Variants in SV2B observed in about 807,000 individuals in gnomAD.
The protein encoded by SV2B is synaptic vesicle glycoprotein 2B.
Under a neutral mutation model 73.9 loss-of-function variants are expected in SV2B, and 41 were observed. The observed-to-expected ratio is 0.56, with a 90% CI of 0.43 to 0.72. The LOEUF is 0.72. SV2B is among the 30% of genes least tolerant of loss of function. The pLI is 0.00. For synonymous variants in SV2B, 314 were observed against 314.2 expected (o/e 1.00, Z 0.01); for missense variants, 764 against 857.8 (o/e 0.89, Z 1.37).
At chr15:91,152,991 A>G (rs2043360911) in intron 1 of SV2B, among the ~76,000 whole-genome samples, 1 of 152,132 alleles carries the variant, frequency 6.6e-6, no homozygotes, top group Non-Finnish European at 1.5e-5. Flanking sequence ...TGGAGGGGGA[A>G]TCTCTGCCTC....
intron 1 of SV2B, among the ~76,000 whole-genome samples, chr15:91,134,325 A>C (rs2042751713): frequency 6.6e-6 from 1 of 151,562 alleles, no homozygotes; most frequent in Non-Finnish European, 1.5e-5. Flanking sequence ...TCATCACTCA[A>C]CTTCTTCTTT....
rs1026111147 is a variant in SV2B at position 91,293,224 on chromosome 15, G to A, written c.*672G>A. ...TCTGTTTTGCTCTATTCAAAGAAAC[G>A]GAATGGGATAGTTATTCTGTAAACT... On this transcript the variant is annotated 3_prime_UTR_variant, in exon 13 of 13. Coordinates refer to ENST00000394232, the MANE Select transcript of SV2B (RefSeq NM_001323032.3). The A allele has an allele frequency of 2.6e-5, 4 of 152,102 alleles. No homozygotes were observed. The South Asian group carries it at 6.2e-4, about 24-fold the overall frequency. The allele number at this position is 152,102 out of a possible 1,614,324, so 9.4% of individuals were successfully genotyped here. A position where few individuals can be genotyped will look rare whatever the true frequency, so the allele number is the denominator to read the frequency against.
chr15:91,163,352 A>G (rs1195675652), intron 1 of SV2B, among the ~76,000 whole-genome samples: 2 of 152,212 alleles, frequency 1.3e-5, no homozygotes, highest in East Asian at 3.8e-4. Context: ...GATTTCCACA[A>G]TGGTTGAACT....
chr15:91,258,347 G>A lies in SV2B; in HGVS notation c.785-74G>A. ...CTTGTGCCCTGAAGTTTGTGAGCCA[G>A]GGCTTCAGAGTCACTCTTCCGTAGA... On this transcript the variant is annotated intron_variant, in intron 4 of 12. Coordinates refer to ENST00000394232, the MANE Select transcript of SV2B (RefSeq NM_001323032.3). This position sits in a 1 kb window ranked among gnomAD's most constrained non-coding sequence, Gnocchi z 4.7. 4 of 1,573,280 alleles carry A rather than the reference G, an allele frequency of 2.5e-6. No homozygotes were observed. Among genetic ancestry groups the A allele is most frequent in the Non-Finnish European group, 3.4e-6 (4 of 1,159,492 alleles).
intron 1 of SV2B, among the ~76,000 whole-genome samples, chr15:91,218,884 G>C (rs1375621289): frequency 6.6e-6 from 1 of 152,136 alleles, no homozygotes; most frequent in Non-Finnish European, 1.5e-5. Context: ...TCTTGGCTAA[G>C]GGGACCATCT....
Position 91,268,852 on chromosome 15 carries a change from AT to A in SV2B, c.1373+250del, listed in dbSNP as rs1367533932. Among the ~76,000 whole-genome samples the A allele has an allele frequency of 6.6e-6, 1 of 152,126 alleles. No individual in the cohort carries two copies. The highest frequency in any genetic ancestry group is 1.5e-5 in the Non-Finnish European group (1 of 68,028). Reference sequence around the variant, plus strand: ...AGCTATTTCATGTGAGGATGGAGACATTTGACTGAGGACGGTCAGTTGGGCC... The same window carrying A: ...AGCTATTTCATGTGAGGATGGAGACATTGACTGAGGACGGTCAGTTGGGCC... On this transcript the variant is annotated intron_variant, in intron 9 of 12. Transcript: ENST00000394232. This position sits in a 1 kb window ranked among gnomAD's most constrained non-coding sequence, Gnocchi z 4.4.
Position 91,294,424 on chromosome 15 carries a change from G to C in SV2B, c.*1872G>C, listed in dbSNP as rs1249204192. 2 of 151,980 alleles carry C rather than the reference G, an allele frequency of 1.3e-5. No individual in the cohort carries two copies. Among genetic ancestry groups the C allele is most frequent in the African/African-American group, 4.8e-5 (2 of 41,360 alleles). The allele number at this position is 151,980 out of a possible 1,614,324, so 9.4% of individuals were successfully genotyped here. ...TCTGTACAGGGAGAGAAGACATATTGACTCTGACTGGACACCCTGATTCCT... is the reference window on the plus strand; with the variant it reads ...TCTGTACAGGGAGAGAAGACATATTCACTCTGACTGGACACCCTGATTCCT... On this transcript the variant is annotated 3_prime_UTR_variant, in exon 13 of 13. Transcript: ENST00000394232. The surrounding 1 kb of genome is among the most constrained non-coding windows in gnomAD (Gnocchi z 4.1).
intron 1 of SV2B, among the ~76,000 whole-genome samples, chr15:91,125,947 T>G (rs566237923): frequency 1.3e-5 from 2 of 152,142 alleles, no homozygotes; most frequent in South Asian, 4.2e-4. Context: ...ATGATGATGA[T>G]GATGATAGTT....
At chr15:91,125,872 C>G (rs1207218210) in intron 1 of SV2B, among the ~76,000 whole-genome samples, 1 of 150,498 alleles carries the variant, frequency 6.6e-6, no homozygotes, top group East Asian at 1.9e-4. Flanking sequence ...AGAAAAGGGT[C>G]CCCAACCCTA....
chr15:91,128,503 A>T lies in SV2B; in HGVS notation c.-392+28140A>T, dbSNP rs989514856. Among the ~76,000 whole-genome samples the T allele has an allele frequency of 3.9e-5, 6 of 152,206 alleles. No individual in the cohort carries two copies. The highest frequency in any genetic ancestry group is 1.2e-4 in the African/African-American group (5 of 41,430). On this transcript the variant is annotated intron_variant, in intron 1 of 12. Coordinates refer to ENST00000394232, the MANE Select transcript of SV2B (RefSeq NM_001323032.3). This position sits in a 1 kb window ranked among gnomAD's most constrained non-coding sequence, Gnocchi z 4.2. ...CCAAAAATGAAGGCCTCAGAAGCGA[A>T]AGTGTTTTTCTCCTCCCCGTCTGTC...
intron 4 of SV2B, among the ~76,000 whole-genome samples, chr15:91,255,575 T>C (rs936036015): frequency 2.0e-5 from 3 of 152,106 alleles, no homozygotes; most frequent in Non-Finnish European, 4.4e-5. Context: ...CTAGAGAACT[T>C]ACTCATGTAA....
At position 91,121,778 on chromosome 15, in the gene SV2B, T is replaced by G. The variant is rs899761321; in HGVS notation, c.-392+21415T>G. On this transcript the variant is annotated intron_variant, in intron 1 of 12. Transcript: ENST00000394232. The surrounding 1 kb of genome is among the most constrained non-coding windows in gnomAD (Gnocchi z 4.4). Reference sequence around the variant, plus strand: ...ACCATCTATTTATATATTAATAGTGTTTTTTTTTTTTTTTGAGATGGAGTC... The same window carrying G: ...ACCATCTATTTATATATTAATAGTGGTTTTTTTTTTTTTTGAGATGGAGTC... Among the ~76,000 whole-genome samples, 1 of 96,502 alleles carries G rather than the reference T, an allele frequency of 1.0e-5. No homozygotes were observed. 63.3% of individuals were successfully genotyped at this position (96,502 alleles called of 152,430 possible). A position where few individuals can be genotyped will look rare whatever the true frequency, so the allele number is the denominator to read the frequency against.
At chr15:91,206,742 C>T (rs1204118882) in intron 1 of SV2B, among the ~76,000 whole-genome samples, 2 of 152,070 alleles carry the variant, frequency 1.3e-5, no homozygotes, top group Non-Finnish European at 2.9e-5. Flanking sequence ...AATGTTCGAC[C>T]TAGTACCTGT....
Position 91,220,100 on chromosome 15 carries a change from A to G in SV2B, c.-391-5773A>G, listed in dbSNP as rs2141461137. On this transcript the variant is annotated intron_variant, in intron 1 of 12. Coordinates refer to ENST00000394232, the MANE Select transcript of SV2B (RefSeq NM_001323032.3). The surrounding 1 kb of genome is among the most constrained non-coding windows in gnomAD (Gnocchi z 4.1). ...TGTGTCCAAGTCTTTGTGTGGGCAT[A>G]TATTTTTATTTATCTTGGGTAGATT... Among the ~76,000 whole-genome samples, 1 of 152,304 alleles carries G rather than the reference A, an allele frequency of 6.6e-6. No homozygotes were observed. Among genetic ancestry groups the G allele is most frequent in the South Asian group, 2.1e-4 (1 of 4,834 alleles).
At position 91,191,579 on chromosome 15, in the gene SV2B, G is replaced by A. The variant is rs147488792; in HGVS notation, c.-391-34294G>A. ...GCTTCTTGGCTGTAAATCCCAAGGT[G>A]TCTCGCTGCTTTTGGAGTTGAACTC... On this transcript the variant is annotated intron_variant, in intron 1 of 12. Transcript: ENST00000394232. 1.5e-4 allele frequency among the ~76,000 whole-genome samples: 23 copies of A among 152,250 alleles called. No individual in the cohort carries two copies. In the East Asian group the frequency reaches 4.1e-3, roughly 27 times the overall value.
In SV2B at chr15:91,114,016, A is replaced by G. The variant is rs150781516; in HGVS notation, c.-392+13653A>G. Among the ~76,000 whole-genome samples the G allele has an allele frequency of 3.9e-5, 6 of 152,178 alleles. No homozygotes were observed. In the East Asian group the frequency reaches 1.2e-3, roughly 29 times the overall value. The stretch of plus-strand genomic sequence containing the variant: ...TCTAACACAGTCCCTGGCACATAGT[A>G]GGTGCTCAATGGTTAGTTATTTTCC... On this transcript the variant is annotated intron_variant, in intron 1 of 12. Coordinates refer to ENST00000394232, the MANE Select transcript of SV2B (RefSeq NM_001323032.3).
chr15:91,171,498 T>G (rs746001122), intron 1 of SV2B, among the ~76,000 whole-genome samples: 1 of 152,158 alleles, frequency 6.6e-6, no homozygotes. Flanking sequence ...CTCAGTGCAA[T>G]AGACTGCAGT....
intron 1 of SV2B, among the ~76,000 whole-genome samples, chr15:91,188,216 T>A (rs2106481): frequency 0.32 from 48,113 of 151,890 alleles, 8,438 homozygotes; most frequent in East Asian, 0.71. Flanking sequence ...AGAAGGGGAC[T>A]GTCTGTAGAT....
At chr15:91,147,965 C>G (rs899380019) in intron 1 of SV2B, among the ~76,000 whole-genome samples, 1 of 39,260 alleles carries the variant, frequency 2.5e-5, no homozygotes, top group Admixed American at 4.5e-4. Flanking sequence ...CCCCCCCCAA[C>G]TTTTTTTTTT....
Sources: gnomAD v4.1 joint callset for allele counts (sites outside exome capture counted in the v4.1 genomes callset) on GRCh38, gnomAD v4.1.1 for gene constraint, Gnocchi (gnomAD v3.1) non-coding constraint, MANE v1.5 for transcripts, NCBI Gene and HGNC (gene_info 2026-07-23, HGNC 2026-07-21) for gene names.